The following ST3GAL4 variants were observed in gnomAD, a reference collection of about 807,000 sequenced individuals.
The protein encoded by ST3GAL4 is CMP-N-acetylneuraminate-beta-galactosamide-alpha-2,3-sialyltransferase 4.
In ST3GAL4, 24 loss-of-function variants were observed where a neutral mutation model predicts 42.6. The observed-to-expected ratio is 0.56, with a 90% CI of 0.41 to 0.79. The LOEUF is 0.79. ST3GAL4 is among the 30% of genes least tolerant of loss of function. The probability of loss-of-function intolerance (pLI) is 0.00; values close to 1 mark genes in which losing one functional copy is unlikely to be tolerated. For synonymous variants in ST3GAL4, 135 were observed against 163.2 expected (o/e 0.83, Z 1.32); for missense variants, 311 against 430.8 (o/e 0.72, Z 2.46).
At chr11:126,380,685 C>T (rs1018259581) in intron 1 of ST3GAL4, among the ~76,000 whole-genome samples, 1 of 152,144 alleles carries the variant, frequency 6.6e-6, no homozygotes, top group African/African-American at 2.4e-5. Context: ...GGTGGATAAC[C>T]TGTCAAATAA....
In ST3GAL4 at chr11:126,391,977, G is replaced by A. The variant is rs1240339672; in HGVS notation, c.-60-14119G>A. Among the ~76,000 whole-genome samples the A allele has an allele frequency of 6.7e-6, 1 of 150,268 alleles. No homozygotes were observed. The highest frequency in any genetic ancestry group is 1.5e-5 in the Non-Finnish European group (1 of 67,568). ...TGTGTGTGTGTGTGTGTGTGTATGTGTGTGTATGTGTATATATAAAATTAT... is the reference window on the plus strand; with the variant it reads ...TGTGTGTGTGTGTGTGTGTGTATGTATGTGTATGTGTATATATAAAATTAT... On this transcript the variant is annotated intron_variant, in intron 1 of 10. Coordinates refer to ENST00000444328, the MANE Select transcript of ST3GAL4 (RefSeq NM_001254757.2). This position sits in a 1 kb window ranked among gnomAD's most constrained non-coding sequence, Gnocchi z 5.5.
In ST3GAL4 at chr11:126,363,116, C is replaced by G. The variant is rs888008382; in HGVS notation, c.-61+7274C>G. ...GGGCTGGACTGAATGAGGGGCTGGC[C>G]GAGGAGCGGGTGTTGATGGAGTATG... is the stretch of plus-strand genomic sequence containing the variant. On this transcript the variant is annotated intron_variant, in intron 1 of 10. Coordinates refer to ENST00000444328, the MANE Select transcript of ST3GAL4 (RefSeq NM_001254757.2). This position sits in a 1 kb window ranked among gnomAD's most constrained non-coding sequence, Gnocchi z 4.6. Among the ~76,000 whole-genome samples, 1 of 152,138 alleles carries G rather than the reference C, an allele frequency of 6.6e-6. No homozygotes were observed. Among genetic ancestry groups the G allele is most frequent in the African/African-American group, 2.4e-5 (1 of 41,430 alleles).
At position 126,383,786 on chromosome 11, in the gene ST3GAL4, G is replaced by T. The variant is rs933294923; in HGVS notation, c.-60-22310G>T. On this transcript the variant is annotated intron_variant, in intron 1 of 10. Transcript: ENST00000444328. The surrounding 1 kb of genome is among the most constrained non-coding windows in gnomAD (Gnocchi z 4.5). ...CTGTTCAGGCAGATTCACCAGAGGG[G>T]CTACTGCGCAGAGCCTGGGCCCTGG... Among the ~76,000 whole-genome samples, 3 of 152,182 alleles carry T rather than the reference G, an allele frequency of 2.0e-5. No individual in the cohort carries two copies. The highest frequency in any genetic ancestry group is 7.2e-5 in the African/African-American group (3 of 41,446).
In ST3GAL4 at chr11:126,366,548, C is replaced by T. The variant is rs1486890203; in HGVS notation, c.-61+10706C>T. Among the ~76,000 whole-genome samples the T allele has an allele frequency of 1.3e-5, 2 of 152,160 alleles. No homozygotes were observed. Among genetic ancestry groups the T allele is most frequent in the African/African-American group, 4.8e-5 (2 of 41,442 alleles). Reference sequence around the variant, plus strand: ...GCTTCCCACGTCTTCATTGAGTCCTCATCTGGGGGCCCTGTTCCACTCTCC... The same window carrying T: ...GCTTCCCACGTCTTCATTGAGTCCTTATCTGGGGGCCCTGTTCCACTCTCC... On this transcript the variant is annotated intron_variant, in intron 1 of 10. Transcript: ENST00000444328. This position sits in a 1 kb window ranked among gnomAD's most constrained non-coding sequence, Gnocchi z 4.2.
chr11:126,372,660 C>T (rs763771762), intron 1 of ST3GAL4, among the ~76,000 whole-genome samples: 8 of 152,120 alleles, frequency 5.3e-5, no homozygotes, highest in South Asian at 2.1e-4. Flanking sequence ...AGGTGATCTG[C>T]GTGCCTCGAC....
At chr11:126,381,267 C>G (rs535010478) in intron 1 of ST3GAL4, among the ~76,000 whole-genome samples, 57 of 152,324 alleles carry the variant, frequency 3.7e-4, no homozygotes, top group Non-Finnish European at 7.2e-4. Flanking sequence ...TTCATCCCCC[C>G]ACCTCCCAAA....
Position 126,409,508 on chromosome 11 carries a change from CA to C in ST3GAL4, c.771+98del. 6.5e-7 allele frequency: 1 copy of C among 1,533,154 alleles called. No individual in the cohort carries two copies. Among genetic ancestry groups the C allele is most frequent in the Non-Finnish European group, 8.9e-7 (1 of 1,124,308 alleles). 95.0% of individuals were successfully genotyped at this position (1,533,154 alleles called of 1,614,324 possible). ...AGGAAGCCCTGGAAGGATCCCATAA[CA>C]GAGGCGGCGGTTTGCATTTTCCCTC... On this transcript the variant is annotated intron_variant, in intron 9 of 10. Coordinates refer to ENST00000444328, the MANE Select transcript of ST3GAL4 (RefSeq NM_001254757.2). The surrounding 1 kb of genome is among the most constrained non-coding windows in gnomAD (Gnocchi z 4.9).
chr11:126,387,633 C>T (rs1324133546), intron 1 of ST3GAL4, among the ~76,000 whole-genome samples: 1 of 150,050 alleles, frequency 6.7e-6, no homozygotes, highest in Non-Finnish European at 1.5e-5. Context: ...GAGATTGGGC[C>T]TTTGGTCTTC....
rs1399286741 is a variant in ST3GAL4 at position 126,406,734 on chromosome 11, G to T, written c.101+177G>T. 2.1e-6 allele frequency: 2 copies of T among 932,558 alleles called. No homozygotes were observed. Among genetic ancestry groups the T allele is most frequent in the Admixed American group, 5.0e-5 (2 of 40,310 alleles). 57.8% of individuals were successfully genotyped at this position (932,558 alleles called of 1,614,324 possible). ...ATGAGGGTGGGTGGGGGTAGGGCCT[G>T]GGATGTCTCACTGGGCCCTCACCCA... On this transcript the variant is annotated intron_variant, in intron 3 of 10. Transcript: ENST00000444328. The surrounding 1 kb of genome is among the most constrained non-coding windows in gnomAD (Gnocchi z 5.4).
At chr11:126,358,118 T>A (rs960051467) in intron 1 of ST3GAL4, among the ~76,000 whole-genome samples, 1 of 152,182 alleles carries the variant, frequency 6.6e-6, no homozygotes, top group Non-Finnish European at 1.5e-5. Context: ...AGATGGACCT[T>A]AGATGCTGGA....
chr11:126,362,320 C>T lies in ST3GAL4; in HGVS notation c.-61+6478C>T, dbSNP rs575044075. Among the ~76,000 whole-genome samples the T allele has an allele frequency of 3.3e-5, 5 of 151,862 alleles. 1 individual carries two copies. In the South Asian group the frequency reaches 1.0e-3, roughly 32 times the overall value. ...TCAAGCGAGATTCTCCTACCTCAGC[C>T]TCCCGAGTAGCTGGGATTATAGGTG... On this transcript the variant is annotated intron_variant, in intron 1 of 10. Transcript: ENST00000444328.
At chr11:126,381,143 TG>T (rs1170614741) in intron 1 of ST3GAL4, among the ~76,000 whole-genome samples, 1 of 152,200 alleles carries the variant, frequency 6.6e-6, no homozygotes, top group Non-Finnish European at 1.5e-5. Context: ...ACCCTAGCTT[TG>T]CACTGTGGCT....
Position 126,406,398 on chromosome 11 carries a change from G to T in ST3GAL4, c.17-75G>T. ...TTAGGGGTCGGAGGGACTCAGAAGGGGGCAGGTGGGAAGGTGGACGGGGGT... is the reference window on the plus strand; with the variant it reads ...TTAGGGGTCGGAGGGACTCAGAAGGTGGCAGGTGGGAAGGTGGACGGGGGT... On this transcript the variant is annotated intron_variant, in intron 2 of 10. Coordinates refer to ENST00000444328, the MANE Select transcript of ST3GAL4 (RefSeq NM_001254757.2). The surrounding 1 kb of genome is among the most constrained non-coding windows in gnomAD (Gnocchi z 5.4). The T allele has an allele frequency of 1.2e-6, 2 of 1,609,840 alleles. No individual in the cohort carries two copies. The highest frequency in any genetic ancestry group is 1.7e-6 in the Non-Finnish European group (2 of 1,178,250).
intron 1 of ST3GAL4, among the ~76,000 whole-genome samples, chr11:126,370,177 G>A (rs527655168): frequency 2.0e-5 from 3 of 152,156 alleles, no homozygotes; most frequent in Non-Finnish European, 4.4e-5. Context: ...CGGAAGCCCC[G>A]GGGTAAAGGG....
At chr11:126,372,087 T>C (rs1952677261) in intron 1 of ST3GAL4, among the ~76,000 whole-genome samples, 1 of 152,232 alleles carries the variant, frequency 6.6e-6, no homozygotes, top group South Asian at 2.1e-4. Flanking sequence ...GTTGACCGTC[T>C]TAACCCTTTT....
At chr11:126,369,980 AT>A (rs1258777803) in intron 1 of ST3GAL4, among the ~76,000 whole-genome samples, 2 of 152,148 alleles carry the variant, frequency 1.3e-5, no homozygotes, top group Non-Finnish European at 2.9e-5. Flanking sequence ...GCATGCATCG[AT>A]TTGCATCCTA....
At position 126,411,866 on chromosome 11, in the gene ST3GAL4, CA is replaced by C. The variant is rs1954543816; in HGVS notation, c.772-1638del. On this transcript the variant is annotated intron_variant, in intron 9 of 10. Coordinates refer to ENST00000444328, the MANE Select transcript of ST3GAL4 (RefSeq NM_001254757.2). The surrounding 1 kb of genome is among the most constrained non-coding windows in gnomAD (Gnocchi z 6.3). ...ATCTTGACACCCGGATTTAAAGGTT[CA>C]GGTAATTAGGTCAAGCTCAGCAGGA... is the stretch of plus-strand genomic sequence containing the variant. Among the ~76,000 whole-genome samples, 1 of 152,006 alleles carries C rather than the reference CA, an allele frequency of 6.6e-6. No homozygotes were observed. Among genetic ancestry groups the C allele is most frequent in the Non-Finnish European group, 1.5e-5 (1 of 68,014 alleles).
At chr11:126,403,924 T>C (rs944431968) in intron 1 of ST3GAL4, among the ~76,000 whole-genome samples, 8 of 152,154 alleles carry the variant, frequency 5.3e-5, no homozygotes, top group African/African-American at 1.9e-4. Context: ...CCACAGATCA[T>C]CCAGACCAGT....
chr11:126,403,758 C>T (rs147570320), intron 1 of ST3GAL4, among the ~76,000 whole-genome samples: 35 of 152,210 alleles, frequency 2.3e-4, no homozygotes, highest in African/African-American at 8.4e-4. Context: ...GATCCTGGTT[C>T]GGAGCACTGC....
Sources: gnomAD v4.1 joint callset for allele counts (sites outside exome capture counted in the v4.1 genomes callset) on GRCh38, gnomAD v4.1.1 for gene constraint, Gnocchi (gnomAD v3.1) non-coding constraint, MANE v1.5 for transcripts, NCBI Gene and HGNC (gene_info 2026-07-23, HGNC 2026-07-21) for gene names.